TMEM132B: variants seen among roughly 807,000 people sequenced by gnomAD.
TMEM132B encodes the protein transmembrane protein 132B.
In TMEM132B, 18 loss-of-function variants were observed where a neutral mutation model predicts 90.8. The ratio of observed to expected loss-of-function variants is 0.20; its 90% CI spans 0.14 to 0.29. The LOEUF (loss-of-function observed/expected upper bound fraction) is 0.29. Ranked by LOEUF, TMEM132B falls within the 10% of genes least tolerant of loss-of-function variation. TMEM132B has a pLI of 1.00. For missense variants in TMEM132B, 1,096 were observed against 1,326.8 expected (o/e 0.83, Z 2.70); for synonymous variants, 504 against 523.3 (o/e 0.96, Z 0.50).
chr12:125,434,783 G>A (rs1880652562), intron 3 of TMEM132B, among the ~76,000 whole-genome samples: 1 of 152,158 alleles, frequency 6.6e-6, no homozygotes, highest in Admixed American at 6.5e-5. Context: ...TCCTTTGCTT[G>A]GGTAACCAAT....
At chr12:125,204,951 C>A (rs1873145648) in intron 1 of TMEM132B, among the ~76,000 whole-genome samples, 1 of 135,688 alleles carries the variant, frequency 7.4e-6, no homozygotes, top group Non-Finnish European at 1.6e-5. Context: ...TCTCATGAAT[C>A]CTTTCAATGA....
chr12:125,317,711 C>T (rs573149755), intron 1 of TMEM132B, among the ~76,000 whole-genome samples: 1 of 152,252 alleles, frequency 6.6e-6, no homozygotes, highest in East Asian at 1.9e-4. Flanking sequence ...CCTTCACATT[C>T]TGGGGCTGCC....
Position 125,350,003 on chromosome 12 carries a change from C to A in TMEM132B, c.619C>A (p.Pro207Thr). The A allele has an allele frequency of 2.5e-6, 4 of 1,614,178 alleles. No individual in the cohort carries two copies. Among genetic ancestry groups the A allele is most frequent in the Non-Finnish European group, 3.4e-6 (4 of 1,180,024 alleles). Residue 207 changes from proline to threonine, a missense_variant, in exon 2 of 9, where the codon CCA becomes ACA. Coordinates refer to ENST00000682704, the MANE Select transcript of TMEM132B (RefSeq NM_001366854.1). The stretch of plus-strand genomic sequence containing the variant: ...GTTCAGCTCAGGCCTGGACCTGGAA[C>A]CAGAGGAGGAGATCCCAGCCCTGCT... ...EWFSSGLDLEPEEEIPALLGG... is the reference protein window; with the variant it reads ...EWFSSGLDLETEEEIPALLGG...
chr12:125,489,871 C>T (rs1388347302), intron 3 of TMEM132B, among the ~76,000 whole-genome samples: 1 of 152,186 alleles, frequency 6.6e-6, no homozygotes, highest in Non-Finnish European at 1.5e-5. Flanking sequence ...CAGTATAATT[C>T]TCAGTTGGTT....
At chr12:125,589,298 CG>C (rs1885257538) in intron 5 of TMEM132B, among the ~76,000 whole-genome samples, 1 of 151,628 alleles carries the variant, frequency 6.6e-6, no homozygotes, top group South Asian at 2.1e-4. Flanking sequence ...CTGGCTAACA[CG>C]GTGAAACCCT....
At position 125,492,155 on chromosome 12, in the gene TMEM132B, C is replaced by T. The variant is rs1272565555; in HGVS notation, c.1107-27284C>T. ...GGAAGGGTGAGAGTGCCCTGCTGCC[C>T]GCCCCCACCGCTCCTCACCTTGCAG... On this transcript the variant is annotated intron_variant, in intron 3 of 8. Transcript: ENST00000682704. This position sits in a 1 kb window ranked among gnomAD's most constrained non-coding sequence, Gnocchi z 5.8. 1.3e-5 allele frequency among the ~76,000 whole-genome samples: 2 copies of T among 152,084 alleles called. No homozygotes were observed. The highest frequency in any genetic ancestry group is 2.9e-5 in the Non-Finnish European group (2 of 68,020).
intron 2 of TMEM132B, among the ~76,000 whole-genome samples, chr12:125,363,793 G>C (rs1168481163): frequency 6.6e-6 from 1 of 152,180 alleles, no homozygotes; most frequent in Non-Finnish European, 1.5e-5. Flanking sequence ...TTGGACTCAG[G>C]TCTTCCCATG....
At chr12:125,383,957 CT>C (rs1421909128) in intron 2 of TMEM132B, among the ~76,000 whole-genome samples, 1 of 151,920 alleles carries the variant, frequency 6.6e-6, no homozygotes, top group Non-Finnish European at 1.5e-5. Flanking sequence ...TTCTTTCTTT[CT>C]TTTTTTTAGA....
At chr12:125,646,414 A>C (rs1048046686) in intron 6 of TMEM132B, among the ~76,000 whole-genome samples, 17 of 152,218 alleles carry the variant, frequency 1.1e-4, no homozygotes, top group Non-Finnish European at 1.9e-4. Context: ...CATTGTCAGA[A>C]AAGTGTGCTT....
chr12:125,615,912 TAAAG>T (rs1885974547), intron 5 of TMEM132B, among the ~76,000 whole-genome samples: 1 of 152,194 alleles, frequency 6.6e-6, no homozygotes, highest in African/African-American at 2.4e-5. Context: ...AGAAGTCACA[TAAAG>T]AATTCAAAGA....
intron 4 of TMEM132B, among the ~76,000 whole-genome samples, chr12:125,569,761 C>T (rs939806330): frequency 6.6e-6 from 1 of 152,072 alleles, no homozygotes; most frequent in African/African-American, 2.4e-5. Context: ...TTGACCAACC[C>T]CCCCATCTCT....
chr12:125,454,380 G>T (rs75664717), intron 3 of TMEM132B, among the ~76,000 whole-genome samples: 8,949 of 142,230 alleles, frequency 0.063, 817 homozygotes, highest in African/African-American at 0.21. Flanking sequence ...CCAGCCGTGT[G>T]TGTGTGTGTG....
rs556878757 is a variant in TMEM132B at position 125,398,876 on chromosome 12, G to A, written c.960-16655G>A. 8.5e-5 allele frequency among the ~76,000 whole-genome samples: 13 copies of A among 152,288 alleles called. No individual in the cohort carries two copies. In the South Asian group the frequency reaches 2.7e-3, roughly 32 times the overall value. ...TTGGATCTCACAGGCTGCAGCCCAG[G>A]TGTTGTCTGGGCAGTGTTCTCATCT... On this transcript the variant is annotated intron_variant, in intron 2 of 8. Transcript: ENST00000682704.
chr12:125,387,333 G>T, intron 2 of TMEM132B, among the ~76,000 whole-genome samples: 1 of 152,148 alleles, frequency 6.6e-6, no homozygotes, highest in East Asian at 1.9e-4. Context: ...AACTCAAATG[G>T]GTTGAGTTGT....
chr12:125,247,751 G>A (rs982311081), intron 1 of TMEM132B, among the ~76,000 whole-genome samples: 14 of 152,134 alleles, frequency 9.2e-5, no homozygotes, highest in Admixed American at 3.3e-4. Context: ...CGATGTCACC[G>A]GCCCTGGGAT....
chr12:125,476,882 A>T (rs1053774600), intron 3 of TMEM132B, among the ~76,000 whole-genome samples: 14 of 152,080 alleles, frequency 9.2e-5, no homozygotes, highest in African/African-American at 3.1e-4. Flanking sequence ...TCTGTGGGAG[A>T]CGGGAATGGA....
Position 125,504,557 on chromosome 12 carries a change from A to T in TMEM132B, c.1107-14882A>T, listed in dbSNP as rs181083482. Among the ~76,000 whole-genome samples the T allele has an allele frequency of 3.3e-5, 5 of 152,278 alleles. No homozygotes were observed. In the East Asian group the frequency reaches 9.6e-4, roughly 29 times the overall value. On this transcript the variant is annotated intron_variant, in intron 3 of 8. Coordinates refer to ENST00000682704, the MANE Select transcript of TMEM132B (RefSeq NM_001366854.1). Reference sequence around the variant, plus strand: ...TTTTACCTGTTACTGAATCTGTTGTAATGGCACCTGCCTGCAAAACATTAG... The same window carrying T: ...TTTTACCTGTTACTGAATCTGTTGTTATGGCACCTGCCTGCAAAACATTAG...
intron 1 of TMEM132B, among the ~76,000 whole-genome samples, chr12:125,284,860 T>A (rs1422646073): frequency 6.6e-6 from 1 of 152,230 alleles, no homozygotes; most frequent in Non-Finnish European, 1.5e-5. Context: ...AGTCCTGCTT[T>A]GCTCTGTGTT....
chr12:125,210,988 T>C (rs574202548), intron 1 of TMEM132B, among the ~76,000 whole-genome samples: 16 of 152,060 alleles, frequency 1.1e-4, no homozygotes, highest in Admixed American at 9.2e-4. Context: ...GGAGAATCAC[T>C]TGTGCCCAGG....
Sources: allele counts gnomAD v4.1 joint callset (sites outside exome capture counted in the v4.1 genomes callset), GRCh38; gene constraint gnomAD v4.1.1; non-coding constraint Gnocchi (gnomAD v3.1); transcripts MANE v1.5; gene names NCBI Gene and HGNC (gene_info 2026-07-23, HGNC 2026-07-21).